CEP295NL: variants seen among roughly 807,000 people sequenced by gnomAD.
CEP295NL encodes protein DDC8 homolog.
CEP295NL carries 3 observed loss-of-function variants against 4.6 expected under a neutral mutation model. That is an observed-to-expected ratio of 0.65 (90% CI 0.30 to 1.69). The LOEUF is 1.69. CEP295NL is among the 40% of genes most tolerant of loss of function. The probability of loss-of-function intolerance (pLI) is 0.10; values close to 1 mark genes in which losing one functional copy is unlikely to be tolerated. For synonymous variants in CEP295NL, 295 were observed against 312.2 expected (o/e 0.94, Z 0.58); for missense variants, 719 against 769.0 (o/e 0.93, Z 0.77).
intron 2 of CEP295NL, among the ~76,000 whole-genome samples, chr17:78,901,473 C>G (rs957394306): frequency 6.6e-6 from 1 of 151,900 alleles, no homozygotes; most frequent in African/African-American, 2.4e-5. Context: ...GAGAAGAGGC[C>G]GCAGGCTTGG....
rs905863682 is a variant in CEP295NL, at chr17:78,897,078, C to T, written c.45-4619G>A. ...CTCCACCCAGGCAGCGTGGAAGTGCCAGGGCCCACAGACAGCACCCCCCCG... is the reference window on the plus strand; with the variant it reads ...CTCCACCCAGGCAGCGTGGAAGTGCTAGGGCCCACAGACAGCACCCCCCCG... On this transcript the variant is annotated intron_variant, in intron 2 of 2. Transcript: ENST00000322630. 1.2e-5 allele frequency: 10 copies of T among 837,672 alleles called. No homozygotes were observed. In the African/African-American group the frequency reaches 2.0e-4, roughly 16 times the overall value. The allele number at this position is 837,672 out of a possible 1,614,324, so 51.9% of individuals were successfully genotyped here. A position where few individuals can be genotyped will look rare whatever the true frequency, so the allele number is the denominator to read the frequency against.
chr17:78,891,915 T>A lies in CEP295NL; in HGVS notation c.589A>T (p.Thr197Ser). 1 of 1,550,622 alleles carries A rather than the reference T, an allele frequency of 6.4e-7. No individual in the cohort carries two copies. The highest frequency in any genetic ancestry group is 8.7e-7 in the Non-Finnish European group (1 of 1,147,012). ...QHPRHSRPRK[T>S]AASPEKPQTT... is the part of the protein sequence containing the mutation. ...TGTGGTTTCTCTGGACTCGCTGCTG[T>A]CTTCCGGGGCCTGGAGTGCCTGGGG... Residue 197 changes from threonine to serine, a missense_variant, in exon 3 of 3, where the codon ACA becomes TCA. Physicochemically the swap from Thr to Ser is moderately conservative, Grantham distance 58. Coordinates refer to ENST00000322630, the MANE Select transcript of CEP295NL (RefSeq NM_001243540.2). This position sits in a 1 kb window ranked among gnomAD's most constrained non-coding sequence, Gnocchi z 4.5.
Position 78,896,385 on chromosome 17 carries a change from C to T in CEP295NL, c.45-3926G>A, listed in dbSNP as rs192801349. On this transcript the variant is annotated intron_variant, in intron 2 of 2. Coordinates refer to ENST00000322630, the MANE Select transcript of CEP295NL (RefSeq NM_001243540.2). This position sits in a 1 kb window ranked among gnomAD's most constrained non-coding sequence, Gnocchi z 4.4. The stretch of plus-strand genomic sequence containing the variant: ...ATCTCCAGGCAGCCCAGTGTCTCTC[C>T]AGCCCTGCCAGACAGGACGTCGGGT... 1.5e-4 allele frequency among the ~76,000 whole-genome samples: 23 copies of T among 152,330 alleles called. No individual in the cohort carries two copies. In the East Asian group the frequency reaches 4.4e-3, roughly 29 times the overall value.
At chr17:78,897,140 T>G in intron 2 of CEP295NL, 1 of 283,316 alleles carries the variant, frequency 3.5e-6, no homozygotes, top group African/African-American at 2.3e-5. Flanking sequence ...CGAAGGAGAC[T>G]CCAGGCCTGC....
chr17:78,898,243 C>T (rs2145779985), intron 2 of CEP295NL: 1 of 152,366 alleles, frequency 6.6e-6, no homozygotes, highest in East Asian at 1.9e-4. Context: ...CCTATCCGCA[C>T]AATCTGACAG....
At chr17:78,902,100 G>GA (rs1433473379) in intron 1 of CEP295NL, among the ~76,000 whole-genome samples, 174 bp from the exon 2 acceptor site, 6 of 151,794 alleles carry the variant, frequency 4.0e-5, no homozygotes, top group Non-Finnish European at 4.4e-5. Context: ...GTGGCGGGGG[G>GA]ACGGGGGTCC....
chr17:78,891,429 G>A lies in CEP295NL; in HGVS notation c.1075C>T (p.Leu359=), dbSNP rs945315078. 6.4e-7 allele frequency: 1 copy of A among 1,550,786 alleles called. No homozygotes were observed. Reference sequence around the variant, plus strand: ...GGCTTCAGTGCCAGGTACAAGCACAGGTGTTTTTTCAGCTTTCTGTTTATA... The same window carrying A: ...GGCTTCAGTGCCAGGTACAAGCACAAGTGTTTTTTCAGCTTTCTGTTTATA... ...FNINRKLKKH[L]CLYLALKPRM... The change falls in exon 3 of 3, where the codon CTG becomes TTG. Residue 359 remains leucine (L), a synonymous_variant. Transcript: ENST00000322630. This position sits in a 1 kb window ranked among gnomAD's most constrained non-coding sequence, Gnocchi z 4.5.
At chr17:78,894,495 TC>T (rs2069967403) in intron 2 of CEP295NL, among the ~76,000 whole-genome samples, 1 of 152,156 alleles carries the variant, frequency 6.6e-6, no homozygotes, top group Non-Finnish European at 1.5e-5. Context: ...GCTGGGCCCT[TC>T]AATGCAATGA....
Position 78,892,407 on chromosome 17 carries a change from G to T in CEP295NL, c.97C>A (p.Leu33Ile). The T allele has an allele frequency of 6.4e-7, 1 of 1,550,544 alleles. No individual in the cohort carries two copies. Among genetic ancestry groups the T allele is most frequent in the Non-Finnish European group, 8.7e-7 (1 of 1,146,970 alleles). The change falls in exon 3 of 3, where the codon CTT becomes ATT. Residue 33 changes from leucine (L) to isoleucine (I), a missense_variant. Physicochemically the swap from Leu to Ile is conservative, Grantham distance 5. Coordinates refer to ENST00000322630, the MANE Select transcript of CEP295NL (RefSeq NM_001243540.2). ...TTGGAGCCAAGAGTGGAGGGTTCAAGGGGCGCCCCCGGGCCTGAGGAGCCA... is the reference window on the plus strand; with the variant it reads ...TTGGAGCCAAGAGTGGAGGGTTCAATGGGCGCCCCCGGGCCTGAGGAGCCA... ...FCGSSGPGAP[L>I]EPSTLGSKHL...
rs1210259715 is a variant in CEP295NL at position 78,891,243 on chromosome 17, T to C, written c.1261A>G (p.Thr421Ala). The C allele has an allele frequency of 3.2e-6, 5 of 1,550,646 alleles. No homozygotes were observed. The South Asian group carries it at 4.8e-5, about 15-fold the overall frequency. Reference protein sequence around the residue: ...EEEAQQAASKTDLKTFMGKAQ... With the variant: ...EEEAQQAASKADLKTFMGKAQ... ...TTGCCCATGAACGTTTTCAAGTCGG[T>C]CTTGGACGCTGCCTGCTGCGCCTCC... Residue 421 changes from threonine (T) to alanine (A), a missense_variant, in exon 3 of 3, where the codon ACC becomes GCC. Transcript: ENST00000322630. This position sits in a 1 kb window ranked among gnomAD's most constrained non-coding sequence, Gnocchi z 4.5.
chr17:78,890,879 C>G lies in CEP295NL; in HGVS notation c.1625G>C (p.Arg542Thr). Residue 542 changes from arginine to threonine, a missense_variant, in exon 3 of 3, where the codon AGG becomes ACG. Transcript: ENST00000322630. ...CAGTCGAGCTCTTCTTTGCTCCCTC[C>G]TCTCTTTTTCTAGCTCAGCTTTGTA... ...IHYKAELEKE[R>T]REQRRARLAH... is the part of the protein sequence containing the mutation. 6.4e-7 allele frequency: 1 copy of G among 1,550,654 alleles called. No individual in the cohort carries two copies.
intron 2 of CEP295NL, chr17:78,899,985 A>G (rs924959283): frequency 5.3e-5 from 8 of 152,214 alleles, no homozygotes; most frequent in African/African-American, 1.9e-4. Context: ...ACCCTTTCAT[A>G]TGGAAAGTTA....
In CEP295NL at chr17:78,892,093, C is replaced by A. The variant is rs760435836; in HGVS notation, c.411G>T (p.Leu137=). 2.6e-4 allele frequency: 401 copies of A among 1,551,794 alleles called. No homozygotes were observed. The highest frequency in any genetic ancestry group is 3.0e-4 in the Non-Finnish European group (350 of 1,147,866). Reference sequence around the variant, plus strand: ...TGGCCCGTCCTCCTCCCCAGCCCAACAGACGTGCTGACTGCAGCCTGTCCA... The same window carrying A: ...TGGCCCGTCCTCCTCCCCAGCCCAAAAGACGTGCTGACTGCAGCCTGTCCA... ...GGLDRLQSAR[L]LGWGGGRARE... The change falls in exon 3 of 3, where the codon CTG becomes CTT. Residue 137 remains leucine, a synonymous_variant. Coordinates refer to ENST00000322630, the MANE Select transcript of CEP295NL (RefSeq NM_001243540.2).
Position 78,892,396 on chromosome 17 carries a change from G to A in CEP295NL, c.108C>T (p.Ser36=). ...SSGPGAPLEP[S]TLGSKHLPWE... Reference sequence around the variant, plus strand: ...AGGGAAGGTGCTTGGAGCCAAGAGTGGAGGGTTCAAGGGGCGCCCCCGGGC... The same window carrying A: ...AGGGAAGGTGCTTGGAGCCAAGAGTAGAGGGTTCAAGGGGCGCCCCCGGGC... Residue 36 remains serine (S), a synonymous_variant, in exon 3 of 3, where the codon TCC becomes TCT. Coordinates refer to ENST00000322630, the MANE Select transcript of CEP295NL (RefSeq NM_001243540.2). The A allele has an allele frequency of 1.3e-6, 2 of 1,550,604 alleles. No individual in the cohort carries two copies. Among genetic ancestry groups the A allele is most frequent in the East Asian group, 2.4e-5 (1 of 40,916 alleles).
At chr17:78,902,829 G>A (rs887118842) in intron 1 of CEP295NL, 4 of 152,418 alleles carry the variant, frequency 2.6e-5, no homozygotes, top group African/African-American at 9.7e-5. Context: ...AATCCCAGCA[G>A]GTGTTCCTGC....
chr17:78,897,090 A>C, intron 2 of CEP295NL: 2 of 717,958 alleles, frequency 2.8e-6, no homozygotes, highest in Non-Finnish European at 3.3e-6. Context: ...GGGCCCACAG[A>C]CAGCACCCCC....
chr17:78,891,016 C>T lies in CEP295NL; in HGVS notation c.1488G>A (p.Val496=). The part of the protein sequence containing the change: ...QLHLQDQADR[V]GSTASRQRQK... ...GCCTTTGCCTGGATGCCGTCGAGCCCACTCTGTCTGCCTGGTCTTGAAGGT... is the reference window on the plus strand; with the variant it reads ...GCCTTTGCCTGGATGCCGTCGAGCCTACTCTGTCTGCCTGGTCTTGAAGGT... Residue 496 remains valine, a synonymous_variant, in exon 3 of 3, where the codon GTG becomes GTA. Transcript: ENST00000322630. The surrounding 1 kb of genome is among the most constrained non-coding windows in gnomAD (Gnocchi z 4.5). The T allele has an allele frequency of 6.4e-7, 1 of 1,551,212 alleles. No individual in the cohort carries two copies.
intron 2 of CEP295NL, chr17:78,900,152 C>T (rs2070068304): frequency 6.6e-6 from 1 of 152,174 alleles, no homozygotes; most frequent in East Asian, 1.9e-4. Flanking sequence ...CCCCAGAATG[C>T]AATTTGGGTT....
In CEP295NL at chr17:78,891,801, C is replaced by T. The variant is rs1326103446; in HGVS notation, c.703G>A (p.Gly235Ser). Residue 235 changes from glycine to serine, a missense_variant, in exon 3 of 3, where the codon GGT (glycine) becomes AGT (serine). By Grantham distance (56) the Gly-to-Ser change is moderately conservative (BLOSUM62 0). Coordinates refer to ENST00000322630, the MANE Select transcript of CEP295NL (RefSeq NM_001243540.2). The surrounding 1 kb of genome is among the most constrained non-coding windows in gnomAD (Gnocchi z 4.5). ...GRPEPSTKSG[G>S]GRCAIHPRRS... ...CGAGGATGGATGGCACAGCGGCCAC[C>T]CCCAGACTTGGTCGAAGGTTCTGGC... The T allele has an allele frequency of 1.3e-6, 2 of 1,550,930 alleles. No individual in the cohort carries two copies. The highest frequency in any genetic ancestry group is 2.7e-5 in the African/African-American group (2 of 73,060).
Sources: allele counts gnomAD v4.1 joint callset (sites outside exome capture counted in the v4.1 genomes callset), GRCh38; gene constraint gnomAD v4.1.1; non-coding constraint Gnocchi (gnomAD v3.1); transcripts MANE v1.5; gene names NCBI Gene and HGNC (gene_info 2026-07-23, HGNC 2026-07-21).